Variants in SGPL1 observed in about 807,000 individuals in gnomAD.
The protein encoded by SGPL1 is SP-lyase 1.
A neutral mutation model predicts 68.9 loss-of-function variants in SGPL1; 37 were observed. The ratio of observed to expected loss-of-function variants is 0.54; its 90% CI spans 0.41 to 0.71. The LOEUF (loss-of-function observed/expected upper bound fraction) is 0.71, where lower values mean the gene tolerates loss of function less well. Ranked by LOEUF, SGPL1 falls within the 30% of genes least tolerant of loss-of-function variation. SGPL1 has a pLI of 0.00. For missense variants in SGPL1, 551 were observed against 704.6 expected (o/e 0.78, Z 2.47); for synonymous variants, 236 against 248.5 (o/e 0.95, Z 0.47).
rs775911785 is a variant in SGPL1 at position 70,873,352 on chromosome 10, A to G, written c.1061A>G (p.Tyr354Cys). Residue 354 changes from tyrosine (Y) to cysteine (C), a missense_variant and splice_region_variant, in exon 12 of 15, where the codon TAT becomes TGT. Transcript: ENST00000373202. ...VTSISADTHK[Y>C]GYAPKGSSLV... is the part of the protein sequence containing the mutation. ...TCTTGTCTGCTACTTCTTCCACAGT[A>G]TGGCTATGCCCCAAAAGGCTCATCA... 3 of 1,611,926 alleles carry G rather than the reference A, an allele frequency of 1.9e-6. No individual in the cohort carries two copies. The highest frequency in any genetic ancestry group is 2.5e-6 in the Non-Finnish European group (3 of 1,177,930).
chr10:70,843,685 T>G (rs1018100683), intron 2 of SGPL1, among the ~76,000 whole-genome samples: 1 of 152,182 alleles, frequency 6.6e-6, no homozygotes, highest in African/African-American at 2.4e-5. Context: ...CCAGGTGTTG[T>G]GAGGAATACA....
intron 2 of SGPL1, among the ~76,000 whole-genome samples, chr10:70,823,924 A>G (rs1845386697): frequency 6.6e-6 from 1 of 152,202 alleles, no homozygotes; most frequent in Non-Finnish European, 1.5e-5. Context: ...AAAGCTTTCT[A>G]GTCTATTTCA....
intron 2 of SGPL1, among the ~76,000 whole-genome samples, chr10:70,839,474 T>G (rs1845682880): frequency 6.6e-6 from 1 of 152,098 alleles, no homozygotes; most frequent in African/African-American, 2.4e-5. Flanking sequence ...CCTGTCCCCC[T>G]TCCCTGCCCA....
chr10:70,842,631 C>G (rs1845733608), intron 2 of SGPL1, among the ~76,000 whole-genome samples: 1 of 152,042 alleles, frequency 6.6e-6, no homozygotes, highest in Non-Finnish European at 1.5e-5. Flanking sequence ...AGGTCCTAGG[C>G]TTATAAACAA....
chr10:70,869,727 C>A, intron 8 of SGPL1, 65 bp from the exon 9 acceptor site: 2 of 1,178,082 alleles, frequency 1.7e-6, no homozygotes, highest in South Asian at 1.4e-5. Context: ...TTTAGATTAG[C>A]TGCTAATGGT....
At chr10:70,867,293 T>C (rs967949058) in intron 7 of SGPL1, among the ~76,000 whole-genome samples, 7 of 152,202 alleles carry the variant, frequency 4.6e-5, no homozygotes, top group Non-Finnish European at 8.8e-5. Context: ...CCAGGTGCAG[T>C]GGCTCACACC....
chr10:70,871,160 A>G lies in SGPL1; in HGVS notation c.909+14A>G. On this transcript the variant is annotated intron_variant, in intron 10 of 14. Transcript: ENST00000373202. ...GAAGTGGCCAAGGTATATGAGAGAA[A>G]TGGGCTGCTAAGGCAGGCAAATGGA... 1 of 1,538,384 alleles carries G rather than the reference A, an allele frequency of 6.5e-7. No homozygotes were observed. Among genetic ancestry groups the G allele is most frequent in the South Asian group, 1.2e-5 (1 of 86,826 alleles).
chr10:70,816,375 T>A (rs1044248583), intron 1 of SGPL1, among the ~76,000 whole-genome samples: 1 of 151,578 alleles, frequency 6.6e-6, no homozygotes, highest in Non-Finnish European at 1.5e-5. Flanking sequence ...GGGGTAGGCA[T>A]GGGCGGCCAG....
In SGPL1 at chr10:70,845,433, G is replaced by T. The variant is rs182115796; in HGVS notation, c.193+795G>T. Among the ~76,000 whole-genome samples, 21 of 152,206 alleles carry T rather than the reference G, an allele frequency of 1.4e-4. No individual in the cohort carries two copies. In the East Asian group the frequency reaches 3.5e-3, roughly 25 times the overall value. On this transcript the variant is annotated intron_variant, in intron 3 of 14. Transcript: ENST00000373202. Reference sequence around the variant, plus strand: ...GGGGATATCTGCACAAGTAGTACAGGATCTCTCTCCTCTTGGAGTTGAACT... The same window carrying T: ...GGGGATATCTGCACAAGTAGTACAGTATCTCTCTCCTCTTGGAGTTGAACT...
At chr10:70,817,046 G>A (rs1408935590) in intron 2 of SGPL1, among the ~76,000 whole-genome samples, 166 bp downstream of exon 2, 2 of 152,216 alleles carry the variant, frequency 1.3e-5, no homozygotes, top group East Asian at 3.8e-4. Flanking sequence ...TGGAGACGGA[G>A]TCTCACTCTG....
intron 5 of SGPL1, among the ~76,000 whole-genome samples, chr10:70,855,730 T>C (rs1216511984): frequency 2.0e-5 from 3 of 152,234 alleles, no homozygotes; most frequent in African/African-American, 7.2e-5. Flanking sequence ...AAGAAGCTTT[T>C]TAGTTTGATA....
chr10:70,837,739 A>G (rs1368054377), intron 2 of SGPL1, among the ~76,000 whole-genome samples: 1 of 152,224 alleles, frequency 6.6e-6, no homozygotes, highest in African/African-American at 2.4e-5. Context: ...AAACAAATAT[A>G]CATGGTGTCT....
At chr10:70,864,806 G>T (rs1186204912) in intron 7 of SGPL1, among the ~76,000 whole-genome samples, 1 of 152,194 alleles carries the variant, frequency 6.6e-6, no homozygotes, top group Non-Finnish European at 1.5e-5. Context: ...TCCTGTCTGA[G>T]ACCATTTGGC....
intron 1 of SGPL1, among the ~76,000 whole-genome samples, 172 bp from the exon 2 acceptor site, chr10:70,816,639 G>C (rs1441083040): frequency 6.6e-6 from 1 of 152,178 alleles, no homozygotes; most frequent in African/African-American, 2.4e-5. Context: ...AGTTGCAGCA[G>C]GATTTTGATT....
At chr10:70,873,623 A>G (rs764309374) in intron 12 of SGPL1, 34 bp downstream of exon 12, 1 of 1,531,440 alleles carries the variant, frequency 6.5e-7, no homozygotes, top group African/African-American at 1.4e-5. Flanking sequence ...TGCCTTGTCT[A>G]TTGCTTTTTT....
At chr10:70,822,440 T>A (rs778003378) in intron 2 of SGPL1, among the ~76,000 whole-genome samples, 18 of 152,204 alleles carry the variant, frequency 1.2e-4, no homozygotes, top group Non-Finnish European at 2.1e-4. Context: ...CTTAATTAGG[T>A]TTTACCCAAT....
intron 2 of SGPL1, among the ~76,000 whole-genome samples, chr10:70,834,767 T>C (rs1845598108): frequency 1.3e-5 from 2 of 152,220 alleles, no homozygotes; most frequent in African/African-American, 4.8e-5. Context: ...GACAGGACTT[T>C]GAGAACTGTT....
chr10:70,864,488 T>A (rs1344317026), intron 7 of SGPL1, among the ~76,000 whole-genome samples: 1 of 152,218 alleles, frequency 6.6e-6, no homozygotes, highest in Non-Finnish European at 1.5e-5. Flanking sequence ...AATGTCTTTG[T>A]TAGTTCTGTA....
At chr10:70,849,224 A>G (rs1281901663) in intron 3 of SGPL1, among the ~76,000 whole-genome samples, 2 of 152,222 alleles carry the variant, frequency 1.3e-5, no homozygotes, top group African/African-American at 4.8e-5. Context: ...CAAATAAGGA[A>G]GCATTTCTGA....
Sources: allele counts gnomAD v4.1 joint callset (sites outside exome capture counted in the v4.1 genomes callset), GRCh38; gene constraint gnomAD v4.1.1; transcripts MANE v1.5; gene names NCBI Gene and HGNC (gene_info 2026-07-23, HGNC 2026-07-21).